Variants in NALCN observed in about 807,000 individuals in gnomAD.
NALCN encodes the protein sodium leak channel NALCN.
A neutral mutation model predicts 225.3 loss-of-function variants in NALCN; 111 were observed. The observed-to-expected ratio is 0.49, with a 90% CI of 0.42 to 0.58. The LOEUF is 0.58. NALCN is among the 20% of genes least tolerant of loss of function. NALCN has a pLI of 0.00. For missense variants in NALCN, 1,378 were observed against 2,202.4 expected (o/e 0.63, Z 7.49); for synonymous variants, 764 against 769.0 (o/e 0.99, Z 0.11).
chr13:101,307,037 A>T (rs1199026882), intron 7 of NALCN, among the ~76,000 whole-genome samples: 1 of 152,196 alleles, frequency 6.6e-6, no homozygotes, highest in Non-Finnish European at 1.5e-5. Context: ...CATGATTATT[A>T]ACCACAACCA....
chr13:101,345,104 G>A (rs2045677470), intron 7 of NALCN, among the ~76,000 whole-genome samples, 162 bp downstream of exon 7: 1 of 152,026 alleles, frequency 6.6e-6, no homozygotes, highest in Non-Finnish European at 1.5e-5. Context: ...CGCACTGTCG[G>A]GTAGAATATA....
intron 15 of NALCN, among the ~76,000 whole-genome samples, chr13:101,173,758 G>T (rs779857988): frequency 1.3e-5 from 2 of 152,086 alleles, no homozygotes; most frequent in Non-Finnish European, 2.9e-5. Flanking sequence ...CTCTCTATCT[G>T]GGAGTAGTAA....
chr13:101,213,457 T>G (rs1326085309), intron 13 of NALCN, among the ~76,000 whole-genome samples: 2 of 152,088 alleles, frequency 1.3e-5, no homozygotes, highest in African/African-American at 4.8e-5. Flanking sequence ...GGGATCTAAT[T>G]AAGCTAAAGA....
At chr13:101,072,233 A>G (rs962246917) in intron 37 of NALCN, among the ~76,000 whole-genome samples, 1 of 152,262 alleles carries the variant, frequency 6.6e-6, no homozygotes, top group Non-Finnish European at 1.5e-5. Context: ...GCCCTGATAG[A>G]CCTGCTCCAC....
chr13:101,344,950 A>C (rs2045670062), intron 7 of NALCN, among the ~76,000 whole-genome samples: 1 of 152,174 alleles, frequency 6.6e-6, no homozygotes, highest in South Asian at 2.1e-4. Flanking sequence ...TTTATCTTTG[A>C]GTCAACAACC....
intron 12 of NALCN, among the ~76,000 whole-genome samples, chr13:101,233,097 C>A (rs1336268139): frequency 6.6e-6 from 1 of 152,118 alleles, no homozygotes; most frequent in African/African-American, 2.4e-5. Flanking sequence ...ATTCAGGGAT[C>A]AGCAGGTTTT....
intron 15 of NALCN, among the ~76,000 whole-genome samples, chr13:101,150,910 C>T (rs6491599): frequency 0.79 from 119,853 of 152,010 alleles, 47,467 homozygotes; most frequent in East Asian, 0.99. Flanking sequence ...GATTTTATTT[C>T]TCATATTGAA....
At chr13:101,148,198 G>A (rs1283952787) in intron 15 of NALCN, among the ~76,000 whole-genome samples, 1 of 152,136 alleles carries the variant, frequency 6.6e-6, no homozygotes, top group Admixed American at 6.6e-5. Context: ...GCATTCTGGA[G>A]GCTAGAAGTC....
chr13:101,075,347 C>T (rs929695976), intron 35 of NALCN, among the ~76,000 whole-genome samples: 1 of 150,574 alleles, frequency 6.6e-6, no homozygotes, highest in Admixed American at 6.7e-5. Context: ...CTCAGCTACT[C>T]GGGAGGCTGA....
intron 3 of NALCN, among the ~76,000 whole-genome samples, chr13:101,393,083 C>T (rs7338507): frequency 6.6e-6 from 1 of 152,030 alleles, no homozygotes; most frequent in African/African-American, 2.4e-5. Context: ...CAAAGCCAAT[C>T]ACAATGGCAA....
chr13:101,157,682 C>T (rs2037971068), intron 15 of NALCN, among the ~76,000 whole-genome samples: 1 of 152,044 alleles, frequency 6.6e-6, no homozygotes, highest in African/African-American at 2.4e-5. Flanking sequence ...TGATTCAAAC[C>T]TCCCTTCTTC....
chr13:101,236,825 T>C (rs1269285498), intron 12 of NALCN, among the ~76,000 whole-genome samples: 1 of 149,066 alleles, frequency 6.7e-6, no homozygotes, highest in Non-Finnish European at 1.5e-5. Context: ...GATGACGAGT[T>C]AGTGGGTGCA....
chr13:101,100,126 A>G (rs1031560159), intron 27 of NALCN, among the ~76,000 whole-genome samples: 3 of 152,186 alleles, frequency 2.0e-5, no homozygotes, highest in Admixed American at 6.5e-5. Flanking sequence ...CTGGGCAGCT[A>G]GAGCTAATGT....
intron 7 of NALCN, among the ~76,000 whole-genome samples, chr13:101,293,112 A>G (rs1015645269): frequency 5.9e-5 from 9 of 152,214 alleles, no homozygotes; most frequent in African/African-American, 2.2e-4. Flanking sequence ...TAAAGCATAT[A>G]AAGATAAAGT....
At chr13:101,060,472 T>TC (rs1555373121) in intron 41 of NALCN, among the ~76,000 whole-genome samples, 6 of 118,456 alleles carry the variant, frequency 5.1e-5, no homozygotes, top group African/African-American at 9.9e-5. Flanking sequence ...TTTTTTTTTT[T>TC]CAGAGAGGAG....
chr13:101,059,776 C>A (rs780445317), intron 42 of NALCN, 42 bp downstream of exon 42: 4 of 1,584,166 alleles, frequency 2.5e-6, no homozygotes, highest in Admixed American at 1.7e-5. Flanking sequence ...AAGAAAGAAG[C>A]CCACAGAGTG....
At chr13:101,275,544 T>C (rs1055966854) in intron 10 of NALCN, among the ~76,000 whole-genome samples, 11 of 152,184 alleles carry the variant, frequency 7.2e-5, no homozygotes, top group Non-Finnish European at 1.5e-4. Flanking sequence ...GTAGGTAGTG[T>C]AGCTGAAATA....
At chr13:101,346,087 C>CTCTCTCTCTATATATATATATATATA in intron 6 of NALCN, among the ~76,000 whole-genome samples, 26 of 70,938 alleles carry the variant, frequency 3.7e-4, no homozygotes, top group South Asian at 5.5e-4. Context: ...CTCTCTCTCT[C>CTCTCTCTCTATATATATATATATATA]TATATATATA....
chr13:101,058,424 G>GAATGATGC, intron 42 of NALCN: 3 of 163,288 alleles, frequency 1.8e-5, no homozygotes, highest in Non-Finnish European at 3.9e-5. Context: ...GGCTGGGCGG[G>GAATGATGC]GGCAGTCTAC....
Sources: gnomAD v4.1 joint callset for allele counts (sites outside exome capture counted in the v4.1 genomes callset) on GRCh38, gnomAD v4.1.1 for gene constraint, MANE v1.5 for transcripts, NCBI Gene and HGNC (gene_info 2026-07-23, HGNC 2026-07-21) for gene names.